GSE1: variants seen among roughly 807,000 people sequenced by gnomAD.
The protein encoded by GSE1 is Gse1 coiled-coil protein, also known as genetic suppressor element 1.
A neutral mutation model predicts 112.6 loss-of-function variants in GSE1; 32 were observed. The ratio of observed to expected loss-of-function variants is 0.28; its 90% confidence interval spans 0.21 to 0.38. GSE1 has a LOEUF of 0.38. GSE1 is among the 10% of genes least tolerant of loss of function. GSE1 has a pLI of 1.00. For missense variants in GSE1, 2,348 were observed against 1,699.2 expected (o/e 1.38, Z -6.71); for synonymous variants, 1,115 against 735.6 (o/e 1.52, Z -8.35).
intron 1 of GSE1, among the ~76,000 whole-genome samples, chr16:85,626,987 G>C (rs1186130730): frequency 2.8e-5 from 4 of 144,214 alleles, no homozygotes; most frequent in African/African-American, 7.8e-5. Flanking sequence ...ATAGCAGCTC[G>C]CTGGGCCAGC....
chr16:85,541,361 C>T (rs886479679), intron 2 of GSE1, among the ~76,000 whole-genome samples: 4 of 152,236 alleles, frequency 2.6e-5, no homozygotes, highest in African/African-American at 9.6e-5. Context: ...CTGTGCCCTG[C>T]CAGAGGCGGA....
At chr16:85,523,667 TCCA>T (rs2052267020) in intron 2 of GSE1, among the ~76,000 whole-genome samples, 1 of 152,180 alleles carries the variant, frequency 6.6e-6, no homozygotes, top group African/African-American at 2.4e-5. Context: ...CGTGCCTGCC[TCCA>T]CCCCCAAACC....
intron 2 of GSE1, among the ~76,000 whole-genome samples, chr16:85,469,010 T>G (rs563651352): frequency 4.6e-5 from 7 of 152,196 alleles, no homozygotes; most frequent in African/African-American, 1.4e-4. Flanking sequence ...ATCCCAGCAC[T>G]TTGGGAGGCC....
intron 1 of GSE1, among the ~76,000 whole-genome samples, chr16:85,340,261 G>A (rs2046595989): frequency 1.3e-5 from 2 of 152,108 alleles, no homozygotes; most frequent in Non-Finnish European, 2.9e-5. Context: ...GAGACAGGAG[G>A]ATCACTTGAG....
intron 5 of GSE1, 98 bp from the exon 6 acceptor site, chr16:85,655,628 C>T: frequency 1.4e-6 from 1 of 717,900 alleles, no homozygotes; most frequent in East Asian, 2.6e-5. Flanking sequence ...TCCCCACGCT[C>T]AGGCAGGTGT....
intron 2 of GSE1, among the ~76,000 whole-genome samples, chr16:85,428,608 G>A (rs549304512): frequency 6.6e-6 from 1 of 152,348 alleles, no homozygotes; most frequent in African/African-American, 2.4e-5. Context: ...GGAGTGGGCA[G>A]GTGAGTGAGG....
chr16:85,204,030 A>G (rs1245204219), intron 1 of GSE1, among the ~76,000 whole-genome samples: 1 of 152,188 alleles, frequency 6.6e-6, no homozygotes, highest in African/African-American at 2.4e-5. Context: ...TCGGCCTCCC[A>G]AAGTGCTGGG....
Position 85,654,556 on chromosome 16 carries a change from G to A in GSE1, c.599+106G>A, listed in dbSNP as rs559647458. The A allele has an allele frequency of 5.9e-6, 6 of 1,020,500 alleles. No individual in the cohort carries two copies. The East Asian group carries it at 1.2e-4, about 21-fold the overall frequency. 63.2% of individuals were successfully genotyped at this position (1,020,500 alleles called of 1,614,324 possible). ...GGTCTGCACAGATGAGGCTGTGCCT[G>A]CTAGATGGTTGTCGGCCGCTGAGCC... On this transcript the variant is annotated intron_variant, in intron 4 of 15. Coordinates refer to ENST00000253458, the MANE Select transcript of GSE1 (RefSeq NM_014615.5).
At chr16:85,196,709 C>T (rs931006542) in intron 1 of GSE1, among the ~76,000 whole-genome samples, 3 of 152,156 alleles carry the variant, frequency 2.0e-5, no homozygotes, top group Non-Finnish European at 2.9e-5. Context: ...GACATGCTAT[C>T]CTTCTTTGCC....
chr16:85,662,545 C>T (rs1400862129), intron 9 of GSE1: 1 of 157,182 alleles, frequency 6.4e-6, no homozygotes, highest in African/African-American at 2.4e-5. Context: ...TGGGCAGGGG[C>T]TCTGCTATTG....
chr16:85,570,070 C>T (rs1177365362), intron 1 of GSE1, among the ~76,000 whole-genome samples: 2 of 152,204 alleles, frequency 1.3e-5, no homozygotes, highest in Admixed American at 1.3e-4. Context: ...CTGGCCACTT[C>T]TTGCAGTGAG....
intron 2 of GSE1, among the ~76,000 whole-genome samples, chr16:85,386,089 G>A (rs1244926276): frequency 6.6e-6 from 1 of 152,204 alleles, no homozygotes; most frequent in Admixed American, 6.5e-5. Flanking sequence ...CTCTGTGACA[G>A]GTCAGGGTTG....
At chr16:85,402,482 C>A (rs944028594) in intron 2 of GSE1, among the ~76,000 whole-genome samples, 1 of 152,206 alleles carries the variant, frequency 6.6e-6, no homozygotes, top group East Asian at 1.9e-4. Flanking sequence ...AGTCCCAAAG[C>A]TGAGGCTGGA....
At chr16:85,281,398 A>G (rs2044854268) in intron 1 of GSE1, among the ~76,000 whole-genome samples, 4 of 152,004 alleles carry the variant, frequency 2.6e-5, no homozygotes, top group Admixed American at 2.6e-4. Context: ...ATTAACCCTC[A>G]CAGCAGCTCT....
At position 85,254,250 on chromosome 16, in the gene GSE1, G is replaced by C. The variant is rs1241584461; in HGVS notation, c.2283+82443G>C. On this transcript the variant is annotated intron_variant, in intron 1 of 2. Transcript: ENST00000637419. ...GCCCGTTGGCAGAGCCGGCACTGGA[G>C]CCCACTCCTGGGAAGCAGGAACAGG... Among the ~76,000 whole-genome samples the C allele has an allele frequency of 2.3e-4, 35 of 152,188 alleles. 1 individual carries two copies. The highest frequency in any genetic ancestry group is 2.2e-3 in the Admixed American group (33 of 15,290).
intron 1 of GSE1, among the ~76,000 whole-genome samples, chr16:85,212,275 A>G (rs1003254365): frequency 6.6e-6 from 1 of 152,108 alleles, no homozygotes; most frequent in African/African-American, 2.4e-5. Context: ...GCATGGTGGC[A>G]GGCGCCTGTT....
chr16:85,236,748 G>A (rs1904706323), intron 1 of GSE1, among the ~76,000 whole-genome samples: 1 of 152,126 alleles, frequency 6.6e-6, no homozygotes, highest in Non-Finnish European at 1.5e-5. Context: ...TCCAGCCTGG[G>A]TAGAGTGCCC....
At chr16:85,473,803 C>T (rs1168623251) in intron 2 of GSE1, among the ~76,000 whole-genome samples, 1 of 152,118 alleles carries the variant, frequency 6.6e-6, no homozygotes, top group East Asian at 1.9e-4. Context: ...TTCAGCACTA[C>T]AGGAGGACAG....
chr16:85,342,449 G>T (rs934505138), intron 1 of GSE1, among the ~76,000 whole-genome samples: 3 of 152,136 alleles, frequency 2.0e-5, no homozygotes, highest in Non-Finnish European at 4.4e-5. Context: ...AGGCGGCTCT[G>T]CTCCTTCAGT....
Sources: gnomAD v4.1 joint callset for allele counts (sites outside exome capture counted in the v4.1 genomes callset) on GRCh38, gnomAD v4.1.1 for gene constraint, MANE v1.5 for transcripts, NCBI Gene and HGNC (gene_info 2026-07-23, HGNC 2026-07-21) for gene names.